Variants in RIMS1 observed in about 807,000 individuals in gnomAD.
RIMS1 encodes regulating synaptic membrane exocytosis protein 1.
A neutral mutation model predicts 214.1 loss-of-function variants in RIMS1; 83 were observed. That is an observed-to-expected ratio of 0.39 (90% CI 0.32 to 0.47). The LOEUF (loss-of-function observed/expected upper bound fraction) is 0.47, where lower values mean the gene tolerates loss of function less well. Among genes scored for constraint, RIMS1 ranks in the 20% least tolerant of loss-of-function variants. The probability of loss-of-function intolerance (pLI) is 0.99; values close to 1 mark genes in which losing one functional copy is unlikely to be tolerated. For missense variants in RIMS1, 2,050 were observed against 2,161.8 expected (o/e 0.95, Z 1.03); for synonymous variants, 793 against 786.8 (o/e 1.01, Z -0.13).
At chr6:72,266,918 G>T (rs989930551) in intron 22 of RIMS1, among the ~76,000 whole-genome samples, 1 of 152,006 alleles carries the variant, frequency 6.6e-6, no homozygotes. Flanking sequence ...AATGTAACCC[G>T]CTCCTCCTTC....
At chr6:71,915,073 T>A (rs1777940663) in intron 1 of RIMS1, among the ~76,000 whole-genome samples, 1 of 152,146 alleles carries the variant, frequency 6.6e-6, no homozygotes, top group Non-Finnish European at 1.5e-5. Context: ...AATTTCCACA[T>A]GGCGAAAGTA....
chr6:72,345,494 A>G (rs1391548360), intron 29 of RIMS1, among the ~76,000 whole-genome samples: 1 of 151,808 alleles, frequency 6.6e-6, no homozygotes, highest in Non-Finnish European at 1.5e-5. Flanking sequence ...TACAGGTTCC[A>G]TGACTTGTCT....
chr6:72,230,355 G>C (rs1265471883), intron 6 of RIMS1, among the ~76,000 whole-genome samples: 1 of 151,546 alleles, frequency 6.6e-6, no homozygotes, highest in South Asian at 2.1e-4. Context: ...ATACTTCAAG[G>C]CTTTGGGACA....
chr6:72,093,820 A>C (rs1056595428), intron 2 of RIMS1, among the ~76,000 whole-genome samples: 4 of 151,924 alleles, frequency 2.6e-5, no homozygotes, highest in Non-Finnish European at 5.9e-5. Context: ...TATTTCAATT[A>C]TTTTTGGTGA....
chr6:72,092,423 C>A (rs1028099326), intron 2 of RIMS1, among the ~76,000 whole-genome samples: 1 of 151,852 alleles, frequency 6.6e-6, no homozygotes, highest in Non-Finnish European at 1.5e-5. Context: ...ATAAGAGAAT[C>A]TTATCTGTAA....
At chr6:71,953,960 A>G (rs1790416077) in intron 1 of RIMS1, among the ~76,000 whole-genome samples, 1 of 152,190 alleles carries the variant, frequency 6.6e-6, no homozygotes, top group African/African-American at 2.4e-5. Flanking sequence ...CCTTTAGAAG[A>G]GTTAAACAGG....
At chr6:71,912,323 C>A (rs1777165517) in intron 1 of RIMS1, among the ~76,000 whole-genome samples, 1 of 151,924 alleles carries the variant, frequency 6.6e-6, no homozygotes, top group South Asian at 2.1e-4. Context: ...TCTCTGATAC[C>A]CAAATTAATT....
chr6:72,329,121 A>C (rs2096577238), intron 28 of RIMS1, among the ~76,000 whole-genome samples: 1 of 151,946 alleles, frequency 6.6e-6, no homozygotes, highest in South Asian at 2.1e-4. Flanking sequence ...CTTGAGGTTA[A>C]ATCTAGAAGC....
intron 2 of RIMS1, among the ~76,000 whole-genome samples, chr6:71,987,193 C>G (rs968959703): frequency 6.6e-6 from 1 of 152,082 alleles, no homozygotes; most frequent in Non-Finnish European, 1.5e-5. Flanking sequence ...CTGTATAAAC[C>G]TAGGGGCTTC....
chr6:72,113,958 T>C (rs2036587684), intron 4 of RIMS1, among the ~76,000 whole-genome samples: 6 of 152,226 alleles, frequency 3.9e-5, no homozygotes, highest in African/African-American at 1.2e-4. Flanking sequence ...ACCTGTAGTA[T>C]ATTCATTTTT....
At chr6:72,284,308 G>T (rs897399508) in intron 24 of RIMS1, among the ~76,000 whole-genome samples, 190 bp downstream of exon 24, 13 of 152,118 alleles carry the variant, frequency 8.5e-5, no homozygotes, top group African/African-American at 3.1e-4. Context: ...TTTCAAGGCG[G>T]TTCTTAAATC....
intron 31 of RIMS1, among the ~76,000 whole-genome samples, chr6:72,393,279 T>C (rs1239529326): frequency 6.6e-6 from 1 of 152,184 alleles, no homozygotes; most frequent in Non-Finnish European, 1.5e-5. Context: ...TTAATCTGTC[T>C]GTAATCTTGC....
chr6:72,313,245 T>G (rs1013032565), intron 27 of RIMS1, among the ~76,000 whole-genome samples: 3 of 152,186 alleles, frequency 2.0e-5, no homozygotes, highest in Non-Finnish European at 4.4e-5. Context: ...GTACAAATAA[T>G]TTAATGACTT....
intron 2 of RIMS1, among the ~76,000 whole-genome samples, chr6:72,011,444 A>G (rs1810554816): frequency 6.6e-6 from 1 of 152,246 alleles, no homozygotes; most frequent in Admixed American, 6.5e-5. Context: ...CTAAAACACC[A>G]AAAGCAATGA....
chr6:71,954,869 CT>C (rs1790731164), intron 1 of RIMS1, among the ~76,000 whole-genome samples: 1 of 129,626 alleles, frequency 7.7e-6, no homozygotes, highest in Middle Eastern at 3.7e-3. Flanking sequence ...CACACACACA[CT>C]CCACACACAC....
At chr6:71,987,495 AGGTC>A (rs1800371727) in intron 2 of RIMS1, among the ~76,000 whole-genome samples, 1 of 152,216 alleles carries the variant, frequency 6.6e-6, no homozygotes, top group African/African-American at 2.4e-5. Context: ...TAACTCTCAA[AGGTC>A]CCACTTCCCA....
At chr6:72,398,797 G>A (rs1261783440) in intron 32 of RIMS1, among the ~76,000 whole-genome samples, 158 bp from the exon 33 acceptor site, 3 of 152,020 alleles carry the variant, frequency 2.0e-5, no homozygotes, top group Non-Finnish European at 4.4e-5. Context: ...TAGATTTAAG[G>A]AACAGAATTT....
intron 2 of RIMS1, among the ~76,000 whole-genome samples, chr6:71,986,825 G>C (rs1029574403): frequency 6.6e-6 from 1 of 152,252 alleles, no homozygotes; most frequent in African/African-American, 2.4e-5. Context: ...TAGCCCAAGG[G>C]TGCTGCTGTG....
At position 72,295,224 on chromosome 6, in the gene RIMS1, C is replaced by A. The variant is rs116482872; in HGVS notation, c.3850+3178C>A. 2.2e-3 allele frequency among the ~76,000 whole-genome samples: 336 copies of A among 151,628 alleles called. 1 individual carries two copies. Among genetic ancestry groups the A allele is most frequent in the African/African-American group, 7.8e-3 (322 of 41,454 alleles). On this transcript the variant is annotated intron_variant, in intron 26 of 33. Coordinates refer to ENST00000521978, the MANE Select transcript of RIMS1 (RefSeq NM_014989.7). The stretch of plus-strand genomic sequence containing the variant: ...CCTCTTCAGAAATACAGAAACAGGC[C>A]ATTAGTCCTCTGTAAATGATACAAA...
Sources: allele counts gnomAD v4.1 joint callset (sites outside exome capture counted in the v4.1 genomes callset), GRCh38; gene constraint gnomAD v4.1.1; transcripts MANE v1.5; gene names NCBI Gene and HGNC (gene_info 2026-07-23, HGNC 2026-07-21).